Variants in UGGT2 observed in about 807,000 individuals in gnomAD.
UGGT2 encodes the protein UDP-glucose glycoprotein glucosyltransferase 2, also known as UDP-glucose:glycoprotein glucosyltransferase 2.
In UGGT2, 180 loss-of-function variants were observed where a neutral mutation model predicts 192.1. The ratio of observed to expected loss-of-function variants is 0.94; its 90% CI spans 0.83 to 1.06. UGGT2 has a LOEUF of 1.06. Ranked by LOEUF, UGGT2 falls within the 50% of genes least tolerant of loss-of-function variation. The pLI is 0.00. For synonymous variants in UGGT2, 580 were observed against 591.0 expected, an observed-to-expected ratio of 0.98 and a Z score of 0.27; for missense variants, 1,849 against 1,795.7, an observed-to-expected ratio of 1.03 and a Z score of -0.54.
chr13:95,913,265 C>T (rs965632123), intron 20 of UGGT2, among the ~76,000 whole-genome samples: 1 of 152,050 alleles, frequency 6.6e-6, no homozygotes, highest in Non-Finnish European at 1.5e-5. Flanking sequence ...AAGAGCTTCT[C>T]CACAGCAAAA....
chr13:95,867,539 A>G (rs1480967355), intron 29 of UGGT2, 116 bp from the exon 30 acceptor site: 1 of 696,936 alleles, frequency 1.4e-6, no homozygotes, highest in East Asian at 2.9e-5. Flanking sequence ...TAGTGCATAT[A>G]TCATGTTTTT....
At chr13:95,921,937 A>C (rs1289698647) in intron 20 of UGGT2, among the ~76,000 whole-genome samples, 2 of 152,172 alleles carry the variant, frequency 1.3e-5, no homozygotes, top group Non-Finnish European at 2.9e-5. Context: ...TATATATCCA[A>C]AGAAAAATAA....
At chr13:95,940,455 CTTT>C (rs1231173934) in intron 15 of UGGT2, among the ~76,000 whole-genome samples, 9 of 125,342 alleles carry the variant, frequency 7.2e-5, no homozygotes, top group East Asian at 2.3e-4. Flanking sequence ...TTTTCTTTTT[CTTT>C]TTTTTTTTTT....
chr13:95,821,428 G>A (rs7983958), intron 38 of UGGT2, among the ~76,000 whole-genome samples: 21,304 of 152,008 alleles, frequency 0.14, 1,617 homozygotes, highest in Middle Eastern at 0.17. Context: ...CACGTTTGAT[G>A]GGATTATTTT....
In UGGT2 at chr13:96,047,951, T is replaced by A. The variant is rs911898332; in HGVS notation, c.158+5204A>T. 3.3e-5 allele frequency among the ~76,000 whole-genome samples: 5 copies of A among 151,918 alleles called. No individual in the cohort carries two copies. The East Asian group carries it at 7.7e-4, about 23-fold the overall frequency. On this transcript the variant is annotated intron_variant, in intron 1 of 38. Transcript: ENST00000376747. Reference sequence around the variant, plus strand: ...ACGAGACAGAAAGTTAACAAGGATATCCAGGAATTGAACTCAGCTCTGCAC... The same window carrying A: ...ACGAGACAGAAAGTTAACAAGGATAACCAGGAATTGAACTCAGCTCTGCAC...
At chr13:95,871,492 A>G (rs1891218888) in intron 29 of UGGT2, among the ~76,000 whole-genome samples, 1 of 151,474 alleles carries the variant, frequency 6.6e-6, no homozygotes, top group African/African-American at 2.5e-5. Context: ...TAGACACTTT[A>G]AGGAGAAGAC....
intron 14 of UGGT2, 28 bp downstream of exon 14, chr13:95,947,968 C>T (rs757311229): frequency 2.6e-6 from 4 of 1,554,952 alleles, no homozygotes; most frequent in African/African-American, 1.4e-5. Flanking sequence ...CTTTAGTTGA[C>T]AGTTTAATGC....
intron 19 of UGGT2, among the ~76,000 whole-genome samples, chr13:95,926,226 T>TA (rs2049010909): frequency 6.6e-6 from 1 of 152,190 alleles, no homozygotes; most frequent in Admixed American, 6.5e-5. Context: ...TCATGGAATC[T>TA]GTTAGACAGT....
Position 96,053,264 on chromosome 13 carries a change from TG to T in UGGT2, c.48del (p.Thr17GlnfsTer19). Reference protein sequence around the residue: ...ATNVVRLLLGSTALWLSQLGS... With the variant: ...ATNVVRLLLGXTALWLSQLGS... ...CCGAGCTGCGAAAGCCACAGCGCTG[TG>T]GAGCCTAGTAGCAGCCGCACCACGT... is the stretch of plus-strand genomic sequence containing the variant. On this transcript the variant is annotated frameshift_variant, in exon 1 of 39. Transcript: ENST00000376747. LOFTEE classifies it high-confidence loss of function. 1 of 1,572,092 alleles carries T rather than the reference TG, an allele frequency of 6.4e-7. No individual in the cohort carries two copies. The highest frequency in any genetic ancestry group is 8.6e-7 in the Non-Finnish European group (1 of 1,167,068).
chr13:96,017,453 C>T (rs1205327854), intron 4 of UGGT2, among the ~76,000 whole-genome samples: 1 of 152,142 alleles, frequency 6.6e-6, no homozygotes, highest in African/African-American at 2.4e-5. Flanking sequence ...TCACCAGAAG[C>T]CAAGCAGATG....
At chr13:96,043,921 C>T (rs1594634613) in intron 1 of UGGT2, among the ~76,000 whole-genome samples, 1 of 152,112 alleles carries the variant, frequency 6.6e-6, no homozygotes, top group Non-Finnish European at 1.5e-5. Flanking sequence ...TAGTTGGAGA[C>T]TTCAATACTG....
chr13:95,939,018 A>G (rs1349401549), intron 16 of UGGT2, among the ~76,000 whole-genome samples: 2 of 152,164 alleles, frequency 1.3e-5, no homozygotes, highest in South Asian at 4.1e-4. Flanking sequence ...AATGCCTTTC[A>G]GGTTTTTCAC....
intron 17 of UGGT2, among the ~76,000 whole-genome samples, chr13:95,929,993 T>C (rs2049189346): frequency 6.6e-6 from 1 of 152,194 alleles, no homozygotes; most frequent in Non-Finnish European, 1.5e-5. Context: ...TACGAGATGG[T>C]GTCTCCTTTT....
At chr13:96,009,949 T>A (rs926768129) in intron 5 of UGGT2, among the ~76,000 whole-genome samples, 1 of 152,148 alleles carries the variant, frequency 6.6e-6, no homozygotes, top group Admixed American at 6.5e-5. Flanking sequence ...TGAGATACCA[T>A]CTTGTATCAG....
intron 28 of UGGT2, 147 bp downstream of exon 28, chr13:95,877,551 T>C: frequency 9.2e-7 from 1 of 1,086,144 alleles, no homozygotes; most frequent in Non-Finnish European, 1.3e-6. Context: ...TTTTCCCCAT[T>C]TTTTATTTAT....
chr13:95,906,570 A>C (rs1334268262), intron 20 of UGGT2, among the ~76,000 whole-genome samples: 1 of 152,204 alleles, frequency 6.6e-6, no homozygotes, highest in East Asian at 1.9e-4. Context: ...AAACTACTGA[A>C]AAATTCCCAA....
chr13:96,006,878 C>T (rs1262478613), intron 5 of UGGT2, among the ~76,000 whole-genome samples: 1 of 152,084 alleles, frequency 6.6e-6, no homozygotes, highest in African/African-American at 2.4e-5. Flanking sequence ...CTGCCATCCC[C>T]AGTCTTGGAA....
At chr13:95,916,186 T>C (rs1042618708) in intron 20 of UGGT2, among the ~76,000 whole-genome samples, 2 of 152,188 alleles carry the variant, frequency 1.3e-5, no homozygotes, top group Non-Finnish European at 2.9e-5. Flanking sequence ...AGGACAGAGC[T>C]TCCAGAAGGA....
intron 36 of UGGT2, among the ~76,000 whole-genome samples, chr13:95,849,089 A>C (rs553073583): frequency 3.3e-4 from 51 of 152,298 alleles, no homozygotes; most frequent in African/African-American, 1.2e-3. Flanking sequence ...GAATACAGAA[A>C]AATGACTTTT....
Sources: gnomAD v4.1 joint callset for allele counts (sites outside exome capture counted in the v4.1 genomes callset) on GRCh38, gnomAD v4.1.1 for gene constraint, MANE v1.5 for transcripts, NCBI Gene and HGNC (gene_info 2026-07-23, HGNC 2026-07-21) for gene names.